APBB2: variants seen among roughly 807,000 people sequenced by gnomAD.
The protein encoded by APBB2 is Fe65-like 1.
APBB2 carries 38 observed loss-of-function variants against 82.5 expected under a neutral mutation model. The ratio of observed to expected loss-of-function variants is 0.46; its 90% CI spans 0.36 to 0.60. APBB2 has a LOEUF of 0.60. Ranked by LOEUF, APBB2 falls within the 20% of genes least tolerant of loss-of-function variation. The pLI is 0.00. For missense variants in APBB2, 772 were observed against 972.3 expected (o/e 0.79, Z 2.74); for synonymous variants, 341 against 368.2 (o/e 0.93, Z 0.85).
At chr4:40,899,470 G>A (rs1414929926) in intron 10 of APBB2, among the ~76,000 whole-genome samples, 1 of 152,008 alleles carries the variant, frequency 6.6e-6, no homozygotes, top group Non-Finnish European at 1.5e-5. Flanking sequence ...CCTAAAACAT[G>A]TGTCGTGGAG....
In APBB2 at chr4:40,811,634, A is replaced by ACTT. The variant is rs372515901; in HGVS notation, c.*4455_*4457dup. ...TTCATTTGGCATTTTACATTCTTGGACTTCTTCTTGAGATAAAAGTGCTGC... is the reference window on the plus strand; with the variant it reads ...TTCATTTGGCATTTTACATTCTTGGACTTCTTCTTCTTGAGATAAAAGTGCTGC... On this transcript the variant is annotated 3_prime_UTR_variant, in exon 18 of 18. Transcript: ENST00000508593. 316 of 143,902 alleles carry ACTT rather than the reference A, an allele frequency of 2.2e-3. 2 individuals carry two copies. Among genetic ancestry groups the ACTT allele is most frequent in the African/African-American group, 7.7e-3 (308 of 40,240 alleles). The allele number at this position is 143,902 out of a possible 1,614,324, so 8.9% of individuals were successfully genotyped here.
chr4:40,978,803 A>T (rs1797799255), intron 6 of APBB2, among the ~76,000 whole-genome samples: 1 of 152,236 alleles, frequency 6.6e-6, no homozygotes, highest in South Asian at 2.1e-4. Flanking sequence ...CATTTCAGTT[A>T]GTAACTAATT....
rs1657371932 is a variant in APBB2, at chr4:40,822,140, T to C, written c.1933-90A>G. ...CATAGGAACTGGCATTCAGAAAGTA[T>C]AGCCAGGCCGAATTCAGAAAGGACC... On this transcript the variant is annotated intron_variant, in intron 16 of 17. Coordinates refer to ENST00000508593, the MANE Select transcript of APBB2 (RefSeq NM_004307.2). The C allele has an allele frequency of 3.4e-6, 5 of 1,460,828 alleles. No individual in the cohort carries two copies. In the Admixed American group the frequency reaches 7.6e-5, roughly 22 times the overall value. The allele number at this position is 1,460,828 out of a possible 1,614,324, so 90.5% of individuals were successfully genotyped here.
intron 1 of APBB2, among the ~76,000 whole-genome samples, chr4:41,174,540 T>G (rs1426807435): frequency 6.6e-6 from 1 of 152,180 alleles, no homozygotes; most frequent in Non-Finnish European, 1.5e-5. Context: ...TGGGTGCTAG[T>G]CTGCCAACTG....
At chr4:40,946,537 T>A (rs956077746) in intron 6 of APBB2, among the ~76,000 whole-genome samples, 1 of 152,200 alleles carries the variant, frequency 6.6e-6, no homozygotes. Flanking sequence ...TGCTGGCTTT[T>A]AAAAATCTCA....
chr4:40,835,877 G>A (rs957642872), intron 12 of APBB2, among the ~76,000 whole-genome samples: 2 of 152,210 alleles, frequency 1.3e-5, no homozygotes, highest in African/African-American at 2.4e-5. Flanking sequence ...GCTGGCAGGA[G>A]TGGCAGATGT....
intron 3 of APBB2, among the ~76,000 whole-genome samples, chr4:41,089,528 G>A (rs1466462769): frequency 6.6e-6 from 1 of 152,058 alleles, no homozygotes; most frequent in Non-Finnish European, 1.5e-5. Context: ...GAGCCTGGGA[G>A]AACACCAACC....
chr4:40,882,626 C>G (rs540072554), intron 12 of APBB2, among the ~76,000 whole-genome samples: 1 of 152,160 alleles, frequency 6.6e-6, no homozygotes, highest in Non-Finnish European at 1.5e-5. Context: ...AGTTCTCCTT[C>G]GAGTGCTGCA....
Position 41,164,683 on chromosome 4 carries a change from C to T in APBB2, c.-416-21541G>A, listed in dbSNP as rs542561288. On this transcript the variant is annotated intron_variant, in intron 1 of 17. Transcript: ENST00000508593. ...ATATCACTTCTCGTTAAATGTTAAC[C>T]TTTAAATAACTAAAACAGCTAGTTT... Among the ~76,000 whole-genome samples the T allele has an allele frequency of 4.1e-4, 62 of 152,230 alleles. 1 individual carries two copies. In the South Asian group the frequency reaches 0.013, roughly 31 times the overall value.
intron 12 of APBB2, among the ~76,000 whole-genome samples, chr4:40,885,270 A>C (rs570658655): frequency 1.3e-5 from 2 of 152,250 alleles, no homozygotes; most frequent in Non-Finnish European, 2.9e-5. Flanking sequence ...AGCTAACAGA[A>C]TGTAGAGGAG....
At chr4:41,171,179 A>G (rs16852844) in intron 1 of APBB2, among the ~76,000 whole-genome samples, 21,304 of 152,204 alleles carry the variant, frequency 0.14, 2,561 homozygotes, top group African/African-American at 0.33. Context: ...TGAGTCTCTC[A>G]TGATTTAGGT....
intron 3 of APBB2, chr4:41,084,739 G>A (rs989698016): frequency 5.3e-5 from 8 of 151,664 alleles, no homozygotes; most frequent in African/African-American, 1.7e-4. Flanking sequence ...ATATATCAAA[G>A]AATTATGTTG....
At chr4:40,858,454 C>CAAAAAAAAAAAAAAAAAAAAAAAAAAAA (rs34433911) in intron 12 of APBB2, among the ~76,000 whole-genome samples, 53 of 57,718 alleles carry the variant, frequency 9.2e-4, no homozygotes, top group Non-Finnish European at 1.3e-3. Context: ...GAGTCCGTCT[C>CAAAAAAAAAAAAAAAAAAAAAAAAAAAA]AAAAAAAAAA....
intron 4 of APBB2, among the ~76,000 whole-genome samples, chr4:41,060,482 T>C (rs1156818584): frequency 6.6e-6 from 1 of 152,100 alleles, no homozygotes; most frequent in Non-Finnish European, 1.5e-5. Context: ...GCTCTGAGGA[T>C]GGTTATTATC....
In APBB2 at chr4:41,014,127, G is replaced by T. The variant is rs1207759880; in HGVS notation, c.291C>A (p.Ile97=). 9 of 1,614,208 alleles carry T rather than the reference G, an allele frequency of 5.6e-6. No homozygotes were observed. The highest frequency in any genetic ancestry group is 7.6e-6 in the Non-Finnish European group (9 of 1,180,034). ...GGTTCTCCCCATTTTTCACCAGCTT[G>T]ATGTTGGCAGAGCCATTTCCCAGCA... The part of the protein sequence containing the change: ...QPLLGNGSAN[I]KLVKNGENQL... The change falls in exon 6 of 18, where the codon ATC becomes ATA. Residue 97 remains isoleucine, a synonymous_variant. Transcript: ENST00000508593.
chr4:41,011,542 T>G (rs1368934297), intron 6 of APBB2, among the ~76,000 whole-genome samples: 1 of 152,144 alleles, frequency 6.6e-6, no homozygotes, highest in Non-Finnish European at 1.5e-5. Context: ...GCAATTCTTG[T>G]GCCTCAGCCT....
At chr4:41,020,548 GT>G (rs1811203786) in intron 5 of APBB2, among the ~76,000 whole-genome samples, 1 of 152,208 alleles carries the variant, frequency 6.6e-6, no homozygotes, top group South Asian at 2.1e-4. Flanking sequence ...CCAATTCTAA[GT>G]TAATATGGAC....
At chr4:41,147,846 A>AAAATGAC (rs1427153794) in intron 1 of APBB2, among the ~76,000 whole-genome samples, 1 of 152,092 alleles carries the variant, frequency 6.6e-6, no homozygotes, top group Admixed American at 6.5e-5. Context: ...TTTCTATGTC[A>AAAATGAC]AAATGACCAG....
chr4:40,957,820 G>A (rs141294589), intron 6 of APBB2, among the ~76,000 whole-genome samples: 2,204 of 152,236 alleles, frequency 0.014, 54 homozygotes, highest in African/African-American at 0.051. Flanking sequence ...CTGACCTCAG[G>A]TGATCTGCCA....
Sources: allele counts gnomAD v4.1 joint callset (sites outside exome capture counted in the v4.1 genomes callset), GRCh38; gene constraint gnomAD v4.1.1; transcripts MANE v1.5; gene names NCBI Gene and HGNC (gene_info 2026-07-23, HGNC 2026-07-21).